The following DENND4C variants were observed in gnomAD, a reference collection of about 807,000 sequenced individuals.
DENND4C encodes DENN domain-containing protein 4C.
A neutral mutation model predicts 203.0 loss-of-function variants in DENND4C; 108 were observed. The ratio of observed to expected loss-of-function variants is 0.53; its 90% CI spans 0.46 to 0.62. The LOEUF is 0.62. DENND4C is among the 20% of genes least tolerant of loss of function. The probability of loss-of-function intolerance (pLI) is 0.00; values close to 1 mark genes in which losing one functional copy is unlikely to be tolerated. For missense variants in DENND4C, 2,481 were observed against 2,301.2 expected (o/e 1.08, Z -1.60); for synonymous variants, 871 against 792.4 (o/e 1.10, Z -1.67).
At chr9:19,294,392 T>C (rs1161098982) in intron 5 of DENND4C, among the ~76,000 whole-genome samples, 2 of 152,130 alleles carry the variant, frequency 1.3e-5, no homozygotes, top group African/African-American at 2.4e-5. Flanking sequence ...TCTTGTGTCA[T>C]ACAAGGAAAG....
chr9:19,293,573 G>C (rs1475047670), intron 5 of DENND4C, among the ~76,000 whole-genome samples: 2 of 152,196 alleles, frequency 1.3e-5, no homozygotes, highest in African/African-American at 4.8e-5. Flanking sequence ...CAGAGGTAAG[G>C]ATTGATTGCT....
chr9:19,372,164 T>C lies in DENND4C; in HGVS notation c.5868T>C (p.Pro1956=), dbSNP rs1359610854. Reference sequence around the variant, plus strand: ...GGTGCAGGAAGTGTTTTGGAGCGCCTCTCATTTAAATAGAGATTCACTAGA... The same window carrying C: ...GGTGCAGGAAGTGTTTTGGAGCGCCCCTCATTTAAATAGAGATTCACTAGA... The part of the protein sequence containing the change: ...VEWCRKCFGA[P]LI The change falls in exon 33 of 33, where the codon CCT becomes CCC. Residue 1956 remains proline, a synonymous_variant. Transcript: ENST00000434457. 6.2e-7 allele frequency: 1 copy of C among 1,610,626 alleles called. No homozygotes were observed. Among genetic ancestry groups the C allele is most frequent in the Non-Finnish European group, 8.5e-7 (1 of 1,178,990 alleles).
At chr9:19,245,627 C>T (rs891964843) in intron 1 of DENND4C, among the ~76,000 whole-genome samples, 1 of 152,026 alleles carries the variant, frequency 6.6e-6, no homozygotes, top group East Asian at 1.9e-4. Context: ...AAGGCCGAGG[C>T]GGGTGGATCA....
chr9:19,347,935 G>A (rs1347377058), intron 23 of DENND4C, among the ~76,000 whole-genome samples: 1 of 152,122 alleles, frequency 6.6e-6, no homozygotes, highest in East Asian at 1.9e-4. Context: ...TTAATCATTA[G>A]ATCTTTTGGT....
At chr9:19,352,404 A>G in intron 25 of DENND4C, 86 bp from the exon 26 acceptor site, 1 of 1,326,818 alleles carries the variant, frequency 7.5e-7, no homozygotes. Context: ...TCAGTAGAAT[A>G]AAAAAAATCC....
intron 23 of DENND4C, among the ~76,000 whole-genome samples, chr9:19,347,359 C>G (rs748890583): frequency 6.6e-6 from 1 of 152,082 alleles, no homozygotes; most frequent in Non-Finnish European, 1.5e-5. Context: ...TTGAACTCCT[C>G]ACCTCAGGTG....
chr9:19,326,392 T>C (rs74688810), intron 15 of DENND4C, among the ~76,000 whole-genome samples, 198 bp downstream of exon 15: 1 of 152,160 alleles, frequency 6.6e-6, no homozygotes, highest in African/African-American at 2.4e-5. Flanking sequence ...ATGTTGATCA[T>C]TGTTTACCTT....
intron 1 of DENND4C, among the ~76,000 whole-genome samples, chr9:19,257,373 AAACAC>A (rs1828252168): frequency 6.6e-6 from 1 of 151,192 alleles, no homozygotes; most frequent in Non-Finnish European, 1.5e-5. Flanking sequence ...AAAAAAAAGA[AAACAC>A]AACATATCTA....
chr9:19,361,790 A>ATC (rs1315805091), intron 29 of DENND4C, 56 bp from the exon 30 acceptor site: 1 of 1,047,672 alleles, frequency 9.5e-7, no homozygotes, highest in Non-Finnish European at 1.5e-6. Flanking sequence ...GCTTCACTAG[A>ATC]TCTACTGGTA....
chr9:19,361,666 T>G (rs1395329840), intron 29 of DENND4C, among the ~76,000 whole-genome samples, 180 bp from the exon 30 acceptor site: 2 of 152,202 alleles, frequency 1.3e-5, no homozygotes, highest in African/African-American at 4.8e-5. Context: ...TGAGAAACCT[T>G]GACCTCAGAA....
chr9:19,342,705 C>T lies in DENND4C; in HGVS notation c.3077C>T (p.Pro1026Leu). ...PSPEPHSPTE[P>L]PAWGSSIVKV... Reference sequence around the variant, plus strand: ...CCAGAGCCTCACAGTCCTACTGAACCTCCTGCATGGGGCAGCAGTATTGTG... The same window carrying T: ...CCAGAGCCTCACAGTCCTACTGAACTTCCTGCATGGGGCAGCAGTATTGTG... The change falls in exon 22 of 33, where the codon CCT becomes CTT. Residue 1026 changes from proline to leucine, a missense_variant. Around this residue, in one of 3 missense-constraint regions of DENND4C, gnomAD observed 2,289 missense variants for 2,113.3 expected, o/e 1.08. Coordinates refer to ENST00000434457, the MANE Select transcript of DENND4C (RefSeq NM_001330640.2). 1 of 1,613,604 alleles carries T rather than the reference C, an allele frequency of 6.2e-7. No individual in the cohort carries two copies. The highest frequency in any genetic ancestry group is 8.5e-7 in the Non-Finnish European group (1 of 1,179,788).
chr9:19,248,626 A>G (rs1445534366), intron 1 of DENND4C, among the ~76,000 whole-genome samples: 2 of 151,904 alleles, frequency 1.3e-5, no homozygotes, highest in African/African-American at 4.8e-5. Flanking sequence ...CCGACCTCAG[A>G]TGATCTGCCC....
rs572715137 is a variant in DENND4C at position 19,286,832 on chromosome 9, T to C, written c.369T>C (p.Tyr123=). Reference sequence around the variant, plus strand: ...GTGAAGTGATCCTAGCCACACCCTATGGTCGCTGTGCCAATGTCAACAATA... The same window carrying C: ...GTGAAGTGATCCTAGCCACACCCTACGGTCGCTGTGCCAATGTCAACAATA... The part of the protein sequence containing the change: ...PGCEVILATP[Y]GRCANVNNSS... The change falls in exon 3 of 33, where the codon TAT becomes TAC. Residue 123 remains tyrosine (Y), a synonymous_variant. Transcript: ENST00000434457. 20 of 1,232,138 alleles carry C rather than the reference T, an allele frequency of 1.6e-5. No homozygotes were observed. The East Asian group carries it at 6.0e-4, about 37-fold the overall frequency. 76.3% of individuals were successfully genotyped at this position (1,232,138 alleles called of 1,614,324 possible).
At chr9:19,304,853 A>G (rs960443134) in intron 9 of DENND4C, among the ~76,000 whole-genome samples, 3 of 149,270 alleles carry the variant, frequency 2.0e-5, no homozygotes, top group Non-Finnish European at 3.0e-5. Context: ...CCGGCCATGA[A>G]TTTTTTTTTG....
rs1394279956 is a variant in DENND4C at position 19,325,977 on chromosome 9, A to G, written c.1989+3A>G. On this transcript the variant is annotated splice_donor_region_variant and intron_variant, in intron 14 of 32. Transcript: ENST00000434457. Reference sequence around the variant, plus strand: ...AAGGCACAGAGAAAACAGATAAGGTATGTTTTTCTTAGATTTTAAGGGTTG... The same window carrying G: ...AAGGCACAGAGAAAACAGATAAGGTGTGTTTTTCTTAGATTTTAAGGGTTG... 9 of 1,608,334 alleles carry G rather than the reference A, an allele frequency of 5.6e-6. No homozygotes were observed. The East Asian group carries it at 6.7e-5, about 12-fold the overall frequency.
intron 5 of DENND4C, chr9:19,292,541 C>G (rs1021606459): frequency 2.0e-5 from 3 of 147,754 alleles, no homozygotes; most frequent in Non-Finnish European, 3.0e-5. Context: ...TGAAAACTTT[C>G]TTTTCTTTTT....
intron 1 of DENND4C, among the ~76,000 whole-genome samples, chr9:19,272,966 T>TTTTTTTTG (rs1554715556): frequency 7.7e-6 from 1 of 130,584 alleles, no homozygotes; most frequent in Non-Finnish European, 1.6e-5. Context: ...TTTTTTTTTT[T>TTTTTTTTG]GAGATGGAGT....
intron 23 of DENND4C, among the ~76,000 whole-genome samples, 179 bp downstream of exon 23, chr9:19,347,265 G>A (rs940360104): frequency 3.3e-5 from 5 of 152,092 alleles, no homozygotes; most frequent in African/African-American, 7.2e-5. Context: ...TGAGTAGTTG[G>A]GTCTATAGGG....
intron 1 of DENND4C, among the ~76,000 whole-genome samples, chr9:19,251,143 T>G (rs2131604242): frequency 6.6e-6 from 1 of 152,354 alleles, no homozygotes; most frequent in South Asian, 2.1e-4. Context: ...CATCCAGGCA[T>G]TTCCATACAT....
Sources: gnomAD v4.1 joint callset for allele counts (sites outside exome capture counted in the v4.1 genomes callset) on GRCh38, gnomAD v4.1.1 for gene constraint, gnomAD v4.1.1 regional missense constraint, MANE v1.5 for transcripts, NCBI Gene and HGNC (gene_info 2026-07-23, HGNC 2026-07-21) for gene names.